The following PCDH7 variants were observed in gnomAD, a reference collection of about 807,000 sequenced individuals.
The protein encoded by PCDH7 is protocadherin-7.
Under a neutral mutation model 58.9 loss-of-function variants are expected in PCDH7, and 17 were observed. The ratio of observed to expected loss-of-function variants is 0.29; its 90% confidence interval spans 0.20 to 0.43. The LOEUF is 0.43. Ranked by LOEUF, PCDH7 falls within the 20% of genes least tolerant of loss-of-function variation. The pLI is 1.00. For synonymous variants in PCDH7, 664 were observed against 616.4 expected (o/e 1.08, Z -1.14); for missense variants, 1,274 against 1,441.0 (o/e 0.88, Z 1.88).
exon 2 of PCDH7, chr4:30,920,220 G>C (rs1221518448): frequency 7.3e-7 from 1 of 1,367,656 alleles, no homozygotes; most frequent in Non-Finnish European, 9.8e-7. Context: ...TCACTGCAGA[G>C]TTGCTATGAC....
At chr4:31,138,633 T>C (rs528415062) in intron 3 of PCDH7, among the ~76,000 whole-genome samples, 3 of 152,320 alleles carry the variant, frequency 2.0e-5, no homozygotes, top group African/African-American at 7.2e-5. Context: ...ATTAAAGAGA[T>C]GAACTTCATG....
At chr4:30,956,888 C>T (rs1459298925) in intron 3 of PCDH7, among the ~76,000 whole-genome samples, 1 of 151,908 alleles carries the variant, frequency 6.6e-6, no homozygotes, top group African/African-American at 2.4e-5. Context: ...GGAAAGCAAA[C>T]AAAAAATTTT....
Position 30,870,604 on chromosome 4 carries a change from A to G in PCDH7, c.71-49549A>G, listed in dbSNP as rs143085810. On this transcript the variant is annotated intron_variant, in intron 1 of 3. Transcript: ENST00000509759. ...CTTCTATGGAGCTGCAGCTTTAAAG[A>G]CTATCTTTGACAAAGACTGCTCTCT... 5.6e-3 allele frequency among the ~76,000 whole-genome samples: 860 copies of G among 152,238 alleles called. 15 individuals are homozygous for G. The highest frequency in any genetic ancestry group is 7.9e-3 in the Non-Finnish European group (540 of 67,998).
intron 3 of PCDH7, among the ~76,000 whole-genome samples, chr4:31,142,118 AT>A (rs1438767385): frequency 6.6e-6 from 1 of 152,158 alleles, no homozygotes. Flanking sequence ...TTTCTTATGG[AT>A]GTGGAAAATA....
At chr4:30,956,385 CT>C (rs1747870406) in intron 3 of PCDH7, among the ~76,000 whole-genome samples, 1 of 152,126 alleles carries the variant, frequency 6.6e-6, no homozygotes, top group Non-Finnish European at 1.5e-5. Context: ...AAGCCATCTA[CT>C]TGTTAGCCAA....
At chr4:30,835,170 TAA>T in intron 1 of PCDH7, among the ~76,000 whole-genome samples, 1 of 152,078 alleles carries the variant, frequency 6.6e-6, no homozygotes, top group South Asian at 2.1e-4. Flanking sequence ...GTAAGAATAA[TAA>T]AGTCATTCCC....
chr4:30,850,223 G>A (rs1458922477), intron 1 of PCDH7, among the ~76,000 whole-genome samples: 1 of 152,094 alleles, frequency 6.6e-6, no homozygotes, highest in Non-Finnish European at 1.5e-5. Context: ...TGGTTGAGGG[G>A]CAAGGTTTTA....
chr4:31,136,139 C>A (rs2109342005), intron 3 of PCDH7, among the ~76,000 whole-genome samples: 2 of 152,298 alleles, frequency 1.3e-5, no homozygotes, highest in Middle Eastern at 6.8e-3. Context: ...TTCTCTTAAA[C>A]AATATCCTTT....
rs528394940 is a variant in PCDH7, at chr4:30,810,078, C to T, written c.70+85482C>T. Among the ~76,000 whole-genome samples, 226 of 152,218 alleles carry T rather than the reference C, an allele frequency of 1.5e-3. 1 individual carries two copies. Among genetic ancestry groups the T allele is most frequent in the African/African-American group, 5.2e-3 (215 of 41,538 alleles). On this transcript the variant is annotated intron_variant, in intron 1 of 3. Coordinates refer to the PCDH7 transcript ENST00000509759. ...TTCATGGCTTTTATAACTAAAAATGCCATTTGAAGATTTTATTAACAAAAA... is the reference window on the plus strand; with the variant it reads ...TTCATGGCTTTTATAACTAAAAATGTCATTTGAAGATTTTATTAACAAAAA...
intron 1 of PCDH7, among the ~76,000 whole-genome samples, chr4:30,890,128 G>T (rs148798126): frequency 1.2e-3 from 183 of 152,188 alleles, no homozygotes; most frequent in African/African-American, 4.2e-3. Flanking sequence ...GTGACTTAAG[G>T]AGATATTATT....
chr4:31,141,624 T>G (rs1472159832), intron 3 of PCDH7, among the ~76,000 whole-genome samples: 1 of 152,226 alleles, frequency 6.6e-6, no homozygotes, highest in African/African-American at 2.4e-5. Flanking sequence ...GAATTCTTTG[T>G]ACATGATTTA....
At chr4:31,090,220 A>C (rs537965150) in intron 3 of PCDH7, among the ~76,000 whole-genome samples, 3 of 151,948 alleles carry the variant, frequency 2.0e-5, no homozygotes, top group African/African-American at 7.2e-5. Flanking sequence ...AAATGTATAC[A>C]TGGTTCTGAA....
At chr4:30,962,043 A>G (rs1748483008) in intron 3 of PCDH7, among the ~76,000 whole-genome samples, 1 of 152,162 alleles carries the variant, frequency 6.6e-6, no homozygotes, top group Non-Finnish European at 1.5e-5. Context: ...ACTTAAATTT[A>G]TTTAATGCAC....
At chr4:30,982,962 G>T (rs1488099674) in intron 3 of PCDH7, among the ~76,000 whole-genome samples, 1 of 152,204 alleles carries the variant, frequency 6.6e-6, no homozygotes, top group African/African-American at 2.4e-5. Context: ...ATTAACTGCA[G>T]TTGGGATCTG....
Position 30,722,250 on chromosome 4 carries a change from G to C in PCDH7, c.828G>C (p.Leu276=). Residue 276 remains leucine (L), a synonymous_variant, in exon 1 of 2, where the codon CTG becomes CTC. Coordinates refer to ENST00000361762, the Ensembl canonical transcript of PCDH7. The surrounding 1 kb of genome is among the most constrained non-coding windows in gnomAD (Gnocchi z 7.6). ...GCGAGCAGCGCGACTCCTACGAGCT[G>C]ACCCTGCGAGTGCGCGACGGCGGCG... 1 of 1,596,166 alleles carries C rather than the reference G, an allele frequency of 6.3e-7. No homozygotes were observed. Among genetic ancestry groups the C allele is most frequent in the East Asian group, 2.3e-5 (1 of 43,888 alleles).
At chr4:30,868,248 C>T (rs1025595104) in intron 1 of PCDH7, among the ~76,000 whole-genome samples, 1 of 152,018 alleles carries the variant, frequency 6.6e-6, no homozygotes, top group African/African-American at 2.4e-5. Context: ...TACATCACCT[C>T]GTTTAATCCC....
At chr4:31,137,233 A>T (rs956037662) in intron 3 of PCDH7, among the ~76,000 whole-genome samples, 1 of 152,252 alleles carries the variant, frequency 6.6e-6, no homozygotes, top group Non-Finnish European at 1.5e-5. Context: ...GAAAAAAGGA[A>T]AAAGTTCCTG....
intron 3 of PCDH7, among the ~76,000 whole-genome samples, chr4:31,137,531 C>A (rs181631457): frequency 8.9e-4 from 135 of 152,288 alleles, no homozygotes; most frequent in African/African-American, 3.0e-3. Context: ...TTGCAATGAG[C>A]CGAGATCGTG....
At chr4:31,146,303 T>C (rs951047851), downstream of PCDH7, 1 of 151,624 alleles carries the variant, frequency 6.6e-6, no homozygotes, top group African/African-American at 2.4e-5. Context: ...CTAAATAATC[T>C]TAGGTATATG....
Sources: gnomAD v4.1 joint callset for allele counts (sites outside exome capture counted in the v4.1 genomes callset) on GRCh38, gnomAD v4.1.1 for gene constraint, Gnocchi (gnomAD v3.1) non-coding constraint, MANE v1.5 for transcripts, NCBI Gene and HGNC (gene_info 2026-07-23, HGNC 2026-07-21) for gene names.